The following FSD1 variants were observed in gnomAD, a reference collection of about 807,000 sequenced individuals.
The protein encoded by FSD1 is fibronectin type III and SPRY domain-containing protein 1.
In FSD1, 23 loss-of-function variants were observed where a neutral mutation model predicts 58.2. The ratio of observed to expected loss-of-function variants is 0.40; its 90% CI spans 0.28 to 0.56. The LOEUF (loss-of-function observed/expected upper bound fraction) is 0.56. Among genes scored for constraint, FSD1 ranks in the 20% least tolerant of loss-of-function variants. The probability of loss-of-function intolerance (pLI) is 0.54; values close to 1 mark genes in which losing one functional copy is unlikely to be tolerated. For missense variants in FSD1, 563 were observed against 670.8 expected (o/e 0.84, Z 1.78); for synonymous variants, 265 against 263.4 (o/e 1.01, Z -0.06).
chr19:4,313,716 C>CAA (rs545387721), intron 7 of FSD1, among the ~76,000 whole-genome samples: 13 of 101,162 alleles, frequency 1.3e-4, no homozygotes, highest in South Asian at 3.0e-4. Context: ...GACTCCGTCT[C>CAA]AAAAAAAAAA....
At position 4,304,655 on chromosome 19, in the gene FSD1, G is replaced by T; in HGVS notation, c.-92G>T. On this transcript the variant is annotated 5_prime_UTR_variant, in exon 1 of 13. Coordinates refer to ENST00000221856, the MANE Select transcript of FSD1 (RefSeq NM_024333.3). ...GGCGCGGCGGCGGCGAGGGCTCGGC[G>T]GGCCATTGGCTACCGGCCGCGGCAA... 1.3e-6 allele frequency: 1 copy of T among 763,022 alleles called. No homozygotes were observed. Among genetic ancestry groups the T allele is most frequent in the Non-Finnish European group, 1.8e-6 (1 of 561,716 alleles). 47.3% of individuals were successfully genotyped at this position (763,022 alleles called of 1,614,324 possible).
chr19:4,306,099 C>CA, intron 2 of FSD1, 58 bp downstream of exon 2: 2 of 1,602,734 alleles, frequency 1.2e-6, no homozygotes, highest in Non-Finnish European at 1.7e-6. Context: ...CTGGAGGGTG[C>CA]AGCCTTAGGA....
In FSD1 at chr19:4,317,215, G is replaced by A. The variant is rs765462502; in HGVS notation, c.734G>A (p.Arg245His). The part of the protein sequence containing the change: ...LKFDMKYMNF[R>H]VKACNKAVAG... The stretch of plus-strand genomic sequence containing the variant: ...TTTGACATGAAATACATGAACTTCC[G>A]TGTGAAGGCCTGTAACAAGGCAGTT... The change falls in exon 8 of 13, where the codon CGT becomes CAT. Residue 245 changes from arginine (R) to histidine (H), a missense_variant. Coordinates refer to ENST00000221856, the MANE Select transcript of FSD1 (RefSeq NM_024333.3). The A allele has an allele frequency of 2.0e-5, 33 of 1,612,612 alleles. No individual in the cohort carries two copies. Among genetic ancestry groups the A allele is most frequent in the Middle Eastern group, 3.3e-4 (2 of 6,058 alleles).
In FSD1 at chr19:4,323,490, G is replaced by A; in HGVS notation, c.1381-43G>A. The A allele has an allele frequency of 1.3e-6, 2 of 1,594,690 alleles. No individual in the cohort carries two copies. Among genetic ancestry groups the A allele is most frequent in the Non-Finnish European group, 1.7e-6 (2 of 1,164,130 alleles). ...GGAGAGGGTGGTGCTGGGCGCTGGGGTTTGAAGCTGAGCCCCTCCCCCCTC... is the reference window on the plus strand; with the variant it reads ...GGAGAGGGTGGTGCTGGGCGCTGGGATTTGAAGCTGAGCCCCTCCCCCCTC... On this transcript the variant is annotated intron_variant, in intron 12 of 12. Coordinates refer to ENST00000221856, the MANE Select transcript of FSD1 (RefSeq NM_024333.3). This position sits in a 1 kb window ranked among gnomAD's most constrained non-coding sequence, Gnocchi z 7.7.
chr19:4,309,313 T>C (rs1971662039), intron 4 of FSD1, among the ~76,000 whole-genome samples: 1 of 152,190 alleles, frequency 6.6e-6, no homozygotes, highest in African/African-American at 2.4e-5. Flanking sequence ...ACTTTTTTAG[T>C]ATAAGGGTAT....
intron 10 of FSD1, among the ~76,000 whole-genome samples, chr19:4,322,506 G>A (rs1165949067): frequency 6.6e-6 from 1 of 150,738 alleles, no homozygotes; most frequent in East Asian, 2.0e-4. Flanking sequence ...GGAGGATATA[G>A]CAGGAACCGA....
At chr19:4,317,924 G>A (rs1971772135) in intron 8 of FSD1, among the ~76,000 whole-genome samples, 1 of 152,176 alleles carries the variant, frequency 6.6e-6, no homozygotes, top group African/African-American at 2.4e-5. Context: ...GGCTGAGGCA[G>A]GAGAATCGCT....
At chr19:4,305,033 C>T (rs1289308038) in intron 1 of FSD1, among the ~76,000 whole-genome samples, 1 of 141,336 alleles carries the variant, frequency 7.1e-6, no homozygotes, top group Non-Finnish European at 1.6e-5. Flanking sequence ...CCCCATCCCC[C>T]ACGCCCTCCC....
In FSD1 at chr19:4,318,518, C is replaced by G. The variant is rs776600746; in HGVS notation, c.959+13C>G. ...ACTCCCCAGCCAGGTAGCCTGCCCC[C>G]TCCCCTCCCTAAGTCTCTGGTGGAG... On this transcript the variant is annotated intron_variant, in intron 9 of 12. Transcript: ENST00000221856. 1 of 1,577,012 alleles carries G rather than the reference C, an allele frequency of 6.3e-7. No homozygotes were observed. Among genetic ancestry groups the G allele is most frequent in the African/African-American group, 1.3e-5 (1 of 74,544 alleles).
chr19:4,312,185 T>C (rs6510804), intron 7 of FSD1, 134 bp downstream of exon 7: 748,775 of 757,714 alleles, frequency 0.99, 370,005 homozygotes, highest in East Asian at 1. Context: ...CCTGGGGAGG[T>C]GGATCAGAAA....
At chr19:4,315,552 CCT>C (rs1971745640) in intron 7 of FSD1, among the ~76,000 whole-genome samples, 1 of 151,066 alleles carries the variant, frequency 6.6e-6, no homozygotes, top group Admixed American at 6.6e-5. Context: ...TTGTGATCCG[CCT>C]CCGTCGGCCT....
Position 4,323,361 on chromosome 19 carries a change from C to T in FSD1, c.1305C>T (p.Phe435=), listed in dbSNP as rs1327385804. 1.2e-6 allele frequency: 2 copies of T among 1,613,824 alleles called. No homozygotes were observed. Among genetic ancestry groups the T allele is most frequent in the Non-Finnish European group, 1.7e-6 (2 of 1,179,816 alleles). Residue 435 remains phenylalanine (F), a synonymous_variant, in exon 12 of 13, where the codon TTC becomes TTT. Coordinates refer to ENST00000221856, the MANE Select transcript of FSD1 (RefSeq NM_024333.3). This position sits in a 1 kb window ranked among gnomAD's most constrained non-coding sequence, Gnocchi z 7.7. Reference sequence around the variant, plus strand: ...CCCCGACCCCAGGCCTCCTGTCCTTCTACAATGCCCGCACCAAACAAGTGC... The same window carrying T: ...CCCCGACCCCAGGCCTCCTGTCCTTTTACAATGCCCGCACCAAACAAGTGC... The part of the protein sequence containing the change: ...HCDFHQGLLS[F]YNARTKQVLH...
intron 6 of FSD1, 177 bp from the exon 7 acceptor site, chr19:4,311,665 C>G (rs1971693175): frequency 1.7e-6 from 1 of 585,928 alleles, no homozygotes; most frequent in African/African-American, 1.9e-5. Context: ...GCCTGGGTGA[C>G]AAGAGCAAGA....
intron 10 of FSD1, 121 bp downstream of exon 10, chr19:4,319,072 G>A (rs571092075): frequency 5.0e-5 from 37 of 739,784 alleles, no homozygotes; most frequent in African/African-American, 1.6e-4. Context: ...AGCTGCTCCC[G>A]GAATAACAGG....
rs1023405501 is a variant in FSD1 at position 4,310,669 on chromosome 19, G to A, written c.490+73G>A. The A allele has an allele frequency of 1.1e-4, 164 of 1,538,278 alleles. 2 individuals carry two copies. In the South Asian group the frequency reaches 1.3e-3, roughly 12 times the overall value. ...GGGAGGCTAGGAGGCCCTGAAACAG[G>A]ACCTGGAGTATGGTGGACGACCCGG... On this transcript the variant is annotated intron_variant, in intron 6 of 12. Transcript: ENST00000221856.
chr19:4,316,643 G>T (rs1029248568), intron 7 of FSD1, among the ~76,000 whole-genome samples: 1 of 151,970 alleles, frequency 6.6e-6, no homozygotes, highest in African/African-American at 2.4e-5. Context: ...GGGTCTTAAA[G>T]CATCCTGATT....
rs1244636326 is a variant in FSD1 at position 4,323,516 on chromosome 19, C to T, written c.1381-17C>T. On this transcript the variant is annotated splice_polypyrimidine_tract_variant and intron_variant, in intron 12 of 12. Coordinates refer to ENST00000221856, the MANE Select transcript of FSD1 (RefSeq NM_024333.3). This position sits in a 1 kb window ranked among gnomAD's most constrained non-coding sequence, Gnocchi z 7.7. ...TTTGAAGCTGAGCCCCTCCCCCCTC[C>T]CCCCGCTGTCCCTCAGGTATGGTGT... is the stretch of plus-strand genomic sequence containing the variant. 8 of 1,474,914 alleles carry T rather than the reference C, an allele frequency of 5.4e-6. No individual in the cohort carries two copies. In the East Asian group the frequency reaches 1.6e-4, roughly 29 times the overall value. The allele number at this position is 1,474,914 out of a possible 1,614,324, so 91.4% of individuals were successfully genotyped here. A position where few individuals can be genotyped will look rare whatever the true frequency, so the allele number is the denominator to read the frequency against.
chr19:4,305,887 T>C (rs145941187), intron 1 of FSD1, 59 bp from the exon 2 acceptor site: 10 of 1,243,248 alleles, frequency 8.0e-6, no homozygotes, highest in Non-Finnish European at 1.1e-5. Flanking sequence ...CACGTGTGTG[T>C]ACCTGTGTGC....
chr19:4,307,765 C>G, intron 3 of FSD1, 117 bp from the exon 4 acceptor site: 1 of 689,142 alleles, frequency 1.5e-6, no homozygotes, highest in Non-Finnish European at 2.4e-6. Flanking sequence ...ATCTCCATCT[C>G]TCACCTGGAG....
Sources: gnomAD v4.1 joint callset for allele counts (sites outside exome capture counted in the v4.1 genomes callset) on GRCh38, gnomAD v4.1.1 for gene constraint, Gnocchi (gnomAD v3.1) non-coding constraint, MANE v1.5 for transcripts, NCBI Gene and HGNC (gene_info 2026-07-23, HGNC 2026-07-21) for gene names.